The following NUDT9 variants were observed in gnomAD, a reference collection of about 807,000 sequenced individuals.
The protein encoded by NUDT9 is nudix hydrolase 9.
A neutral mutation model predicts 41.0 loss-of-function variants in NUDT9; 31 were observed. The ratio of observed to expected loss-of-function variants is 0.76; its 90% CI spans 0.57 to 1.02. NUDT9 has a LOEUF of 1.02. NUDT9 is among the 50% of genes least tolerant of loss of function. The pLI is 0.00. For synonymous variants in NUDT9, 146 were observed against 147.6 expected, an observed-to-expected ratio of 0.99 and a Z score of 0.08; for missense variants, 380 against 431.4, an observed-to-expected ratio of 0.88 and a Z score of 1.06.
intron 7 of NUDT9, 34 bp from the exon 8 acceptor site, chr4:87,457,809 T>A: frequency 6.3e-7 from 1 of 1,591,742 alleles, no homozygotes; most frequent in East Asian, 2.3e-5. Flanking sequence ...CAGAAATGAG[T>A]TTTTCTTGGT....
chr4:87,444,646 C>A (rs1278300761), intron 4 of NUDT9, among the ~76,000 whole-genome samples: 8 of 152,154 alleles, frequency 5.3e-5, no homozygotes, highest in Admixed American at 5.2e-4. Context: ...AGTAAGGGGA[C>A]AAGAGCAGAA....
chr4:87,429,643 T>C (rs1326836012), intron 1 of NUDT9, among the ~76,000 whole-genome samples: 2 of 151,964 alleles, frequency 1.3e-5, no homozygotes, highest in African/African-American at 4.8e-5. Flanking sequence ...TTTTTTCTTA[T>C]CCTTTCTTGC....
At chr4:87,451,515 C>G (rs2110189084) in intron 5 of NUDT9, 74 bp from the exon 6 acceptor site, 1 of 1,172,658 alleles carries the variant, frequency 8.5e-7, no homozygotes, top group South Asian at 1.4e-5. Flanking sequence ...AATGTTCACT[C>G]TACTACTCAA....
At chr4:87,429,253 G>A (rs1423963185) in intron 1 of NUDT9, among the ~76,000 whole-genome samples, 1 of 150,934 alleles carries the variant, frequency 6.6e-6, no homozygotes, top group African/African-American at 2.5e-5. Context: ...CTGGACTCAG[G>A]AGATCCTCCC....
rs754008203 is a variant in NUDT9 at position 87,454,452 on chromosome 4, A to T, written c.871A>T (p.Thr291Ser). 1.3e-6 allele frequency: 2 copies of T among 1,592,018 alleles called. No individual in the cohort carries two copies. Among genetic ancestry groups the T allele is most frequent in the Non-Finnish European group, 1.7e-6 (2 of 1,160,024 alleles). Residue 291 changes from threonine to serine, a missense_variant, in exon 7 of 8, where the codon ACA becomes TCA. Thr to Ser is a moderately conservative substitution (Grantham distance 58, BLOSUM62 1). Coordinates refer to ENST00000302174, the MANE Select transcript of NUDT9 (RefSeq NM_024047.5). The part of the protein sequence containing the change: ...ETEAVNYHDE[T>S]GEIMDNLMLE... ...AGAAGCTGTGAACTACCATGACGAA[A>T]CAGGTAACTTTATATTTATTAAACT...
chr4:87,423,092 T>G, intron 1 of NUDT9, 80 bp downstream of exon 1: 1 of 989,500 alleles, frequency 1.0e-6, no homozygotes, highest in Admixed American at 2.6e-5. Context: ...TTCTGGCGTA[T>G]TCTGTAGGCT....
chr4:87,455,044 A>C (rs566151565), intron 7 of NUDT9, among the ~76,000 whole-genome samples: 78 of 152,224 alleles, frequency 5.1e-4, no homozygotes, highest in Non-Finnish European at 9.7e-4. Flanking sequence ...GTACACATTG[A>C]ATGGCTCCCT....
chr4:87,447,987 G>T (rs1342531133), intron 4 of NUDT9, among the ~76,000 whole-genome samples: 2 of 149,722 alleles, frequency 1.3e-5, no homozygotes, highest in Admixed American at 6.7e-5. Flanking sequence ...AACTATGATT[G>T]CACCACTGTA....
At position 87,441,810 on chromosome 4, in the gene NUDT9, G is replaced by A. The variant is rs1722212479; in HGVS notation, c.444-19G>A. 2 of 1,602,084 alleles carry A rather than the reference G, an allele frequency of 1.2e-6. No individual in the cohort carries two copies. Among genetic ancestry groups the A allele is most frequent in the Non-Finnish European group, 8.5e-7 (1 of 1,171,298 alleles). ...GATGAACACATTCAATTGATTTTAT[G>A]CTTTTTTTGTTTTTCCAGAAATCCT... On this transcript the variant is annotated intron_variant, in intron 3 of 7. Coordinates refer to ENST00000302174, the MANE Select transcript of NUDT9 (RefSeq NM_024047.5).
At chr4:87,438,953 G>T (rs972983956) in intron 3 of NUDT9, among the ~76,000 whole-genome samples, 1 of 151,910 alleles carries the variant, frequency 6.6e-6, no homozygotes, top group Admixed American at 6.6e-5. Context: ...GATCCCCTAA[G>T]GTCAGGAGTT....
intron 3 of NUDT9, among the ~76,000 whole-genome samples, chr4:87,441,005 A>T (rs1380044621): frequency 6.6e-6 from 1 of 152,194 alleles, no homozygotes; most frequent in African/African-American, 2.4e-5. Flanking sequence ...GTACAAAAAC[A>T]ATATAAAAAT....
intron 4 of NUDT9, among the ~76,000 whole-genome samples, chr4:87,448,510 C>G (rs1218067790): frequency 4.0e-5 from 6 of 151,850 alleles, no homozygotes; most frequent in Non-Finnish European, 8.8e-5. Flanking sequence ...TAGATAGGCC[C>G]TCTCTCTGTC....
In NUDT9 at chr4:87,454,124, A is replaced by C. The variant is rs1007101666; in HGVS notation, c.790-247A>C. On this transcript the variant is annotated intron_variant, in intron 6 of 7. Transcript: ENST00000302174. Reference sequence around the variant, plus strand: ...GTGATCCACCCGCCTCAGCCTCCCAAAGTGCTGCGATTACAGGCGTGAGCC... The same window carrying C: ...GTGATCCACCCGCCTCAGCCTCCCACAGTGCTGCGATTACAGGCGTGAGCC... Among the ~76,000 whole-genome samples the C allele has an allele frequency of 5.3e-5, 8 of 151,874 alleles. No individual in the cohort carries two copies. The East Asian group carries it at 1.5e-3, about 29-fold the overall frequency.
intron 2 of NUDT9, 118 bp from the exon 3 acceptor site, chr4:87,438,159 C>A: frequency 2.0e-5 from 9 of 456,550 alleles, no homozygotes; most frequent in South Asian, 7.1e-5. Flanking sequence ...AAAAACTAAC[C>A]CTTAAAAATT....
At position 87,458,180 on chromosome 4, in the gene NUDT9, G is replaced by T; in HGVS notation, c.*159G>T. On this transcript the variant is annotated 3_prime_UTR_variant, in exon 8 of 8. Coordinates refer to ENST00000302174, the MANE Select transcript of NUDT9 (RefSeq NM_024047.5). The stretch of plus-strand genomic sequence containing the variant: ...AGAGTGTTTCGCATCAGAATAACAT[G>T]AGTAAGATGAACTGGAACACAAAAT... The T allele has an allele frequency of 2.0e-6, 1 of 511,828 alleles. No homozygotes were observed. Among genetic ancestry groups the T allele is most frequent in the Non-Finnish European group, 3.1e-6 (1 of 323,448 alleles). 31.7% of individuals were successfully genotyped at this position (511,828 alleles called of 1,614,324 possible). A position where few individuals can be genotyped will look rare whatever the true frequency, so the allele number is the denominator to read the frequency against.
chr4:87,447,617 G>C (rs1377452384), intron 4 of NUDT9, among the ~76,000 whole-genome samples: 1 of 151,872 alleles, frequency 6.6e-6, no homozygotes, highest in Non-Finnish European at 1.5e-5. Context: ...AGAGAGTGTG[G>C]TTAGAAAAAG....
At chr4:87,451,933 A>G (rs768043678) in intron 6 of NUDT9, among the ~76,000 whole-genome samples, 198 bp downstream of exon 6, 4 of 152,116 alleles carry the variant, frequency 2.6e-5, no homozygotes, top group Admixed American at 1.3e-4. Flanking sequence ...ACTTTAGGCT[A>G]TATAGGCTAA....
chr4:87,448,286 A>G (rs1180177734), intron 4 of NUDT9, among the ~76,000 whole-genome samples: 1 of 151,464 alleles, frequency 6.6e-6, no homozygotes, highest in Non-Finnish European at 1.5e-5. Context: ...CTAGGACTAC[A>G]GGCACCCATC....
intron 4 of NUDT9, among the ~76,000 whole-genome samples, chr4:87,448,319 A>G (rs1722556809): frequency 6.6e-6 from 1 of 151,284 alleles, no homozygotes; most frequent in Admixed American, 6.6e-5. Flanking sequence ...TAATTTTTGT[A>G]TTTTTGTAGA....
Sources: allele counts gnomAD v4.1 joint callset (sites outside exome capture counted in the v4.1 genomes callset), GRCh38; gene constraint gnomAD v4.1.1; transcripts MANE v1.5; gene names NCBI Gene and HGNC (gene_info 2026-07-23, HGNC 2026-07-21).